The following LARS2 variants were observed in gnomAD, a reference collection of about 807,000 sequenced individuals.
LARS2 encodes the protein leucine--tRNA ligase, mitochondrial.
Under a neutral mutation model 116.6 loss-of-function variants are expected in LARS2, and 81 were observed. The observed-to-expected ratio is 0.69, with a 90% CI of 0.58 to 0.84. LARS2 has a LOEUF of 0.84. LARS2 is among the 40% of genes least tolerant of loss of function. The probability of loss-of-function intolerance (pLI) is 0.00; values close to 1 mark genes in which losing one functional copy is unlikely to be tolerated. For missense variants in LARS2, 968 were observed against 1,114.5 expected (o/e 0.87, Z 1.87); for synonymous variants, 396 against 407.2 (o/e 0.97, Z 0.33).
chr3:45,491,462 G>T, intron 12 of LARS2, 55 bp from the exon 13 acceptor site: 1 of 1,553,680 alleles, frequency 6.4e-7, no homozygotes, highest in African/African-American at 1.3e-5. Context: ...GCAGCATCAG[G>T]GTGGTGACTG....
intron 4 of LARS2, among the ~76,000 whole-genome samples, chr3:45,409,478 C>T (rs1231172962): frequency 6.6e-6 from 1 of 152,086 alleles, no homozygotes; most frequent in Non-Finnish European, 1.5e-5. Flanking sequence ...GCAAGGGAAG[C>T]ACCTAACCCA....
chr3:45,461,046 A>G (rs189819089), intron 8 of LARS2, among the ~76,000 whole-genome samples: 29 of 152,064 alleles, frequency 1.9e-4, no homozygotes, highest in Non-Finnish European at 2.5e-4. Context: ...ATCAAGGGGG[A>G]AAAAAAGGCA....
chr3:45,527,420 C>T (rs1456194538), intron 20 of LARS2, among the ~76,000 whole-genome samples: 3 of 152,054 alleles, frequency 2.0e-5, no homozygotes, highest in East Asian at 1.9e-4. Context: ...GTCAAGAGAT[C>T]GAGACCATCC....
intron 10 of LARS2, among the ~76,000 whole-genome samples, chr3:45,480,913 G>A (rs1440910324): frequency 6.6e-6 from 1 of 152,072 alleles, no homozygotes; most frequent in African/African-American, 2.4e-5. Flanking sequence ...TACCATATAA[G>A]AACCTACTTA....
At chr3:45,430,211 A>T (rs1365137408) in intron 6 of LARS2, among the ~76,000 whole-genome samples, 1 of 145,644 alleles carries the variant, frequency 6.9e-6, no homozygotes, top group Non-Finnish European at 1.5e-5. Context: ...TGACTTTGTG[A>T]TCCGCCCGCC....
intron 10 of LARS2, among the ~76,000 whole-genome samples, chr3:45,479,514 G>A (rs956301394): frequency 6.6e-6 from 1 of 152,138 alleles, no homozygotes; most frequent in African/African-American, 2.4e-5. Context: ...ATTTCTAGCT[G>A]GCCAACTGGG....
rs755972279 is a variant in LARS2, at chr3:45,458,874, C to T, written c.738C>T (p.Thr246=). The T allele has an allele frequency of 2.5e-5, 41 of 1,613,810 alleles. No individual in the cohort carries two copies. The highest frequency in any genetic ancestry group is 2.8e-5 in the Non-Finnish European group (33 of 1,179,888). The change falls in exon 8 of 22, where the codon ACC becomes ACT. Residue 246 remains threonine, a synonymous_variant. Transcript: ENST00000645846. ...TCAGACAATGGTTTATTAAGACAAC[C>T]GCTTATGCAAAGGTGAGTGTCAGCC... ...KYLRQWFIKT[T]AYAKAMQDAL... is the part of the protein sequence containing the mutation.
In LARS2 at chr3:45,549,162, G is replaced by C. The variant is rs1189310662; in HGVS notation, c.*1632G>C. 1 of 152,220 alleles carries C rather than the reference G, an allele frequency of 6.6e-6. No homozygotes were observed. Among genetic ancestry groups the C allele is most frequent in the East Asian group, 1.9e-4 (1 of 5,200 alleles). 9.4% of individuals were successfully genotyped at this position (152,220 alleles called of 1,614,324 possible). ...ACCAGGAATCTTTAAAACTCCACAA[G>C]TGATTCTAATGGGCAGCAAAGTTTG... is the stretch of plus-strand genomic sequence containing the variant. On this transcript the variant is annotated 3_prime_UTR_variant, in exon 22 of 22. Coordinates refer to ENST00000645846, the MANE Select transcript of LARS2 (RefSeq NM_015340.4).
intron 11 of LARS2, among the ~76,000 whole-genome samples, chr3:45,486,931 T>C (rs13088061): frequency 0.27 from 41,129 of 152,082 alleles, 5,882 homozygotes; most frequent in Middle Eastern, 0.4. Flanking sequence ...TAGGTGCATA[T>C]GGAAAACTGT....
chr3:45,417,701 T>G, intron 5 of LARS2, 128 bp downstream of exon 5: 4 of 627,142 alleles, frequency 6.4e-6, no homozygotes, highest in Non-Finnish European at 8.6e-6. Context: ...TAAATATGAT[T>G]GTGTATATTG....
chr3:45,539,888 T>TGTG (rs77328187), intron 20 of LARS2, among the ~76,000 whole-genome samples: 78,303 of 151,640 alleles, frequency 0.52, 24,079 homozygotes, highest in East Asian at 0.78. Flanking sequence ...AGCATGATCT[T>TGTG]GTGGTGGTGG....
At chr3:45,516,352 T>C in intron 17 of LARS2, 76 bp downstream of exon 17, 3 of 1,424,592 alleles carry the variant, frequency 2.1e-6, no homozygotes, top group Non-Finnish European at 2.9e-6. Context: ...AGGAAGGAAA[T>C]GTCTTTGCTG....
chr3:45,536,147 G>T (rs1321152131), intron 20 of LARS2, among the ~76,000 whole-genome samples: 5 of 51,496 alleles, frequency 9.7e-5, no homozygotes, highest in African/African-American at 4.3e-4. Context: ...TTTGAGACAG[G>T]GTCTCACTCT....
chr3:45,487,892 A>G (rs568550056), intron 11 of LARS2, among the ~76,000 whole-genome samples: 28 of 152,332 alleles, frequency 1.8e-4, no homozygotes, highest in African/African-American at 6.7e-4. Context: ...TGAGTTAAAG[A>G]ATAAATGTCT....
intron 20 of LARS2, 102 bp from the exon 21 acceptor site, chr3:45,541,727 C>G (rs1360529716): frequency 6.8e-7 from 1 of 1,463,772 alleles, no homozygotes; most frequent in Non-Finnish European, 9.2e-7. Flanking sequence ...GCTCCTCACA[C>G]AGCTCCAAGC....
At chr3:45,528,872 TC>T (rs1358506585) in intron 20 of LARS2, among the ~76,000 whole-genome samples, 20 of 23,830 alleles carry the variant, frequency 8.4e-4, no homozygotes, top group Non-Finnish European at 1.1e-3. Context: ...TTCTACAACA[TC>T]TTTTTTTTTT....
chr3:45,520,966 T>A (rs940484772), intron 19 of LARS2, among the ~76,000 whole-genome samples: 1 of 152,112 alleles, frequency 6.6e-6, no homozygotes, highest in Non-Finnish European at 1.5e-5. Context: ...GCTGAGAGGA[T>A]CACTTGAGGC....
intron 8 of LARS2, among the ~76,000 whole-genome samples, chr3:45,471,770 T>C (rs947320161): frequency 1.3e-5 from 2 of 152,210 alleles, no homozygotes; most frequent in African/African-American, 4.8e-5. Flanking sequence ...ATTTTCAAAG[T>C]TTATAATATA....
chr3:45,393,040 A>G (rs1697981936), intron 2 of LARS2, among the ~76,000 whole-genome samples: 1 of 152,214 alleles, frequency 6.6e-6, no homozygotes, highest in Non-Finnish European at 1.5e-5. Flanking sequence ...TTGAATAGCA[A>G]TAAAACATGA....
Sources: gnomAD v4.1 joint callset for allele counts (sites outside exome capture counted in the v4.1 genomes callset) on GRCh38, gnomAD v4.1.1 for gene constraint, MANE v1.5 for transcripts, NCBI Gene and HGNC (gene_info 2026-07-23, HGNC 2026-07-21) for gene names.